CSMD1: variants seen among roughly 807,000 people sequenced by gnomAD.
The protein encoded by CSMD1 is CUB and sushi domain-containing protein 1.
In CSMD1, 213 loss-of-function variants were observed where a neutral mutation model predicts 417.5. The observed-to-expected ratio is 0.51, with a 90% CI of 0.46 to 0.57. The LOEUF is 0.57. Among genes scored for constraint, CSMD1 ranks in the 20% least tolerant of loss-of-function variants. The pLI is 0.00. For missense variants in CSMD1, 6,923 were observed against 4,529.7 expected (o/e 1.53, Z -15.17); for synonymous variants, 2,862 against 1,736.8 (o/e 1.65, Z -16.11).
At chr8:4,054,440 G>T (rs771947548) in intron 3 of CSMD1, among the ~76,000 whole-genome samples, 1 of 152,072 alleles carries the variant, frequency 6.6e-6, no homozygotes, top group African/African-American at 2.4e-5. Context: ...CTCTTGTATG[G>T]GAGAGAAGCA....
intron 49 of CSMD1, among the ~76,000 whole-genome samples, chr8:3,085,347 A>G (rs1414375809): frequency 1.3e-5 from 2 of 152,236 alleles, no homozygotes; most frequent in East Asian, 3.8e-4. Context: ...AGAAAGTCAC[A>G]GATCTGTTTT....
intron 3 of CSMD1, among the ~76,000 whole-genome samples, chr8:4,065,731 G>T (rs926718982): frequency 3.3e-5 from 5 of 152,160 alleles, no homozygotes; most frequent in Non-Finnish European, 5.9e-5. Context: ...GTAAACATAG[G>T]CTCTATCACC....
intron 3 of CSMD1, among the ~76,000 whole-genome samples, chr8:4,227,944 C>T (rs987196235): frequency 6.6e-6 from 1 of 151,798 alleles, no homozygotes; most frequent in South Asian, 2.1e-4. Flanking sequence ...CACACACCCT[C>T]CATCCTGCAT....
At chr8:3,849,716 C>T (rs998893081) in intron 5 of CSMD1, among the ~76,000 whole-genome samples, 3 of 152,168 alleles carry the variant, frequency 2.0e-5, no homozygotes, top group African/African-American at 7.2e-5. Context: ...ACAGGAAACA[C>T]AGGGTGTAAA....
chr8:4,042,605 A>C (rs994578312), intron 3 of CSMD1, among the ~76,000 whole-genome samples: 1 of 152,000 alleles, frequency 6.6e-6, no homozygotes, highest in African/African-American at 2.4e-5. Flanking sequence ...ACCAGGAATG[A>C]TACCCGTATG....
At chr8:4,401,427 G>A (rs915624270) in intron 3 of CSMD1, among the ~76,000 whole-genome samples, 5 of 152,066 alleles carry the variant, frequency 3.3e-5, no homozygotes, top group African/African-American at 1.2e-4. Context: ...TATATTATTT[G>A]GACATGTTTT....
chr8:3,254,207 C>G (rs1800477170), intron 26 of CSMD1, among the ~76,000 whole-genome samples: 1 of 152,214 alleles, frequency 6.6e-6, no homozygotes, highest in Non-Finnish European at 1.5e-5. Context: ...TTGGCCCCCA[C>G]TCTCTTCTGG....
chr8:4,775,981 A>T (rs940524463), intron 1 of CSMD1, among the ~76,000 whole-genome samples: 3 of 152,176 alleles, frequency 2.0e-5, no homozygotes, highest in Non-Finnish European at 4.4e-5. Flanking sequence ...AGACGGAGGG[A>T]ACAGCAACCT....
chr8:4,368,436 T>C (rs190606409), intron 3 of CSMD1, among the ~76,000 whole-genome samples: 6 of 152,196 alleles, frequency 3.9e-5, no homozygotes, highest in African/African-American at 7.2e-5. Context: ...GATTCATTTT[T>C]CTGTTGTGTC....
At chr8:4,260,200 G>C (rs1002491745) in intron 3 of CSMD1, among the ~76,000 whole-genome samples, 1 of 152,110 alleles carries the variant, frequency 6.6e-6, no homozygotes, top group Non-Finnish European at 1.5e-5. Context: ...ATCAGGTGTT[G>C]CCTATCTAAT....
chr8:4,884,201 C>A (rs1037822803), intron 1 of CSMD1, among the ~76,000 whole-genome samples: 1 of 151,700 alleles, frequency 6.6e-6, no homozygotes, highest in Non-Finnish European at 1.5e-5. Flanking sequence ...GCTGTAAGAA[C>A]TTCGTGTGTG....
chr8:3,024,279 C>A (rs1178701856), intron 51 of CSMD1, among the ~76,000 whole-genome samples: 1 of 129,650 alleles, frequency 7.7e-6, no homozygotes, highest in South Asian at 2.4e-4. Flanking sequence ...ATAATGTTTA[C>A]ATTTTGAGGT....
intron 10 of CSMD1, among the ~76,000 whole-genome samples, chr8:3,514,125 C>G (rs1482402975): frequency 6.6e-6 from 1 of 152,174 alleles, no homozygotes; most frequent in East Asian, 1.9e-4. Context: ...AGGCTCAAAT[C>G]AATCTCTCCG....
In CSMD1 at chr8:3,187,917, T is replaced by C; in HGVS notation, c.5572A>G (p.Ile1858Val). 2 of 1,613,500 alleles carry C rather than the reference T, an allele frequency of 1.2e-6. No individual in the cohort carries two copies. Among genetic ancestry groups the C allele is most frequent in the Non-Finnish European group, 8.5e-7 (1 of 1,179,766 alleles). Residue 1858 changes from isoleucine to valine, a missense_variant, in exon 36 of 70, where the codon ATC becomes GTC. Coordinates refer to ENST00000635120, the MANE Select transcript of CSMD1 (RefSeq NM_033225.6). ...ATEQNWDSLE[I>V]HDGGDVTAPR... is the part of the protein sequence containing the mutation. ...GCGGTCACATCCCCACCATCGTGGA[T>C]CTCAAGGGAGTCCCAGTTCTGCTCC...
chr8:3,238,858 G>C (rs945868410), intron 26 of CSMD1, among the ~76,000 whole-genome samples: 2 of 152,186 alleles, frequency 1.3e-5, no homozygotes, highest in African/African-American at 4.8e-5. Flanking sequence ...GATATCAGCT[G>C]TAATGGCTTG....
chr8:3,159,885 T>G (rs1361287696), intron 38 of CSMD1, among the ~76,000 whole-genome samples: 1 of 152,222 alleles, frequency 6.6e-6, no homozygotes, highest in Admixed American at 6.5e-5. Context: ...TAATATCATT[T>G]ATAAAAGAAC....
At chr8:4,265,189 G>T (rs1173532405) in intron 3 of CSMD1, among the ~76,000 whole-genome samples, 1 of 151,918 alleles carries the variant, frequency 6.6e-6, no homozygotes, top group East Asian at 1.9e-4. Flanking sequence ...TTCAAAAGTA[G>T]CAAAGTGTAA....
intron 12 of CSMD1, among the ~76,000 whole-genome samples, chr8:3,455,883 T>G (rs1413097414): frequency 6.6e-6 from 1 of 152,240 alleles, no homozygotes; most frequent in Non-Finnish European, 1.5e-5. Context: ...TGCTGTCTTT[T>G]GTTTGGCTAT....
At position 3,808,712 on chromosome 8, in the gene CSMD1, G is replaced by C. The variant is rs539012310; in HGVS notation, c.819-54670C>G. On this transcript the variant is annotated intron_variant, in intron 5 of 69. Coordinates refer to ENST00000635120, the MANE Select transcript of CSMD1 (RefSeq NM_033225.6). ...TGGCACTCTAGAAGTTCCCACTTGC[G>C]TAAACTTTCAACTCTCTCTCTTTCC... is the stretch of plus-strand genomic sequence containing the variant. Among the ~76,000 whole-genome samples, 5 of 152,262 alleles carry C rather than the reference G, an allele frequency of 3.3e-5. No individual in the cohort carries two copies. In the South Asian group the frequency reaches 1.0e-3, roughly 32 times the overall value.
Sources: gnomAD v4.1 joint callset for allele counts (sites outside exome capture counted in the v4.1 genomes callset) on GRCh38, gnomAD v4.1.1 for gene constraint, MANE v1.5 for transcripts, NCBI Gene and HGNC (gene_info 2026-07-23, HGNC 2026-07-21) for gene names.